PLBD2: variants seen among roughly 807,000 people sequenced by gnomAD.
The protein encoded by PLBD2 is phospholipase B domain containing 2.
A neutral mutation model predicts 68.3 loss-of-function variants in PLBD2; 51 were observed. That is an observed-to-expected ratio of 0.75 (90% CI 0.60 to 0.94). The LOEUF is 0.94. PLBD2 is among the 40% of genes least tolerant of loss of function. The probability of loss-of-function intolerance (pLI) is 0.00; values close to 1 mark genes in which losing one functional copy is unlikely to be tolerated. For synonymous variants in PLBD2, 314 were observed against 339.3 expected, an observed-to-expected ratio of 0.93 and a Z score of 0.82; for missense variants, 729 against 792.2, an observed-to-expected ratio of 0.92 and a Z score of 0.96.
chr12:113,359,787 CACAG>C (rs1275101014), intron 1 of PLBD2, among the ~76,000 whole-genome samples: 3 of 152,056 alleles, frequency 2.0e-5, no homozygotes, highest in Non-Finnish European at 4.4e-5. Flanking sequence ...CAGTGGGAAA[CACAG>C]ACAGCGATAG....
chr12:113,376,418 C>T (rs766426565), intron 5 of PLBD2, among the ~76,000 whole-genome samples: 17 of 152,158 alleles, frequency 1.1e-4, no homozygotes, highest in South Asian at 2.1e-4. Flanking sequence ...GCCGCCTCGG[C>T]CTCCCAAAGT....
rs1339007255 is a variant in PLBD2, at chr12:113,372,585, G to A, written c.385-64G>A. On this transcript the variant is annotated intron_variant, in intron 2 of 11. Coordinates refer to ENST00000280800, the MANE Select transcript of PLBD2 (RefSeq NM_173542.4). The surrounding 1 kb of genome is among the most constrained non-coding windows in gnomAD (Gnocchi z 4.2). ...TCCGCTCTGGGGCAGCCTGGGTGGGGGGCTCTCAGGGAAGAGAGCACCCCA... is the reference window on the plus strand; with the variant it reads ...TCCGCTCTGGGGCAGCCTGGGTGGGAGGCTCTCAGGGAAGAGAGCACCCCA... The A allele has an allele frequency of 6.4e-7, 1 of 1,551,792 alleles. No homozygotes were observed. Among genetic ancestry groups the A allele is most frequent in the Admixed American group, 1.7e-5 (1 of 57,266 alleles).
At chr12:113,387,967 G>T in intron 11 of PLBD2, 61 bp downstream of exon 11, 1 of 1,587,436 alleles carries the variant, frequency 6.3e-7, no homozygotes, top group Non-Finnish European at 8.6e-7. Flanking sequence ...ACCAGCTTTG[G>T]GGAAGGGACA....
intron 4 of PLBD2, 42 bp downstream of exon 4, chr12:113,374,616 C>A: frequency 6.6e-7 from 1 of 1,521,436 alleles, no homozygotes; most frequent in Non-Finnish European, 9.0e-7. Flanking sequence ...GAAGAAGGGC[C>A]ACACACTCAT....
intron 5 of PLBD2, among the ~76,000 whole-genome samples, chr12:113,378,396 GCTTT>G (rs532365451): frequency 3.3e-4 from 50 of 152,118 alleles, no homozygotes; most frequent in Middle Eastern, 3.4e-3. Flanking sequence ...TAAAATGTTT[GCTTT>G]CTGAGTTTTT....
At chr12:113,368,310 A>G (rs758586586) in intron 1 of PLBD2, among the ~76,000 whole-genome samples, 28 of 152,182 alleles carry the variant, frequency 1.8e-4, no homozygotes, top group Non-Finnish European at 2.8e-4. Context: ...ACCAGCCCCA[A>G]TCCAGCAGCT....
intron 3 of PLBD2, among the ~76,000 whole-genome samples, chr12:113,373,213 A>G (rs1482148315): frequency 6.6e-6 from 1 of 152,226 alleles, no homozygotes; most frequent in Non-Finnish European, 1.5e-5. Flanking sequence ...GACACAGTGA[A>G]TTTTGTTTTC....
chr12:113,372,880 C>G lies in PLBD2; in HGVS notation c.543+73C>G. 1.9e-6 allele frequency: 3 copies of G among 1,548,404 alleles called. No individual in the cohort carries two copies. Among genetic ancestry groups the G allele is most frequent in the East Asian group, 2.3e-5 (1 of 44,264 alleles). Reference sequence around the variant, plus strand: ...GCCATCCTGTCTCCTGTTGTTCTGGCCAGCCTTGTGGCATGTCCAGCTGCC... The same window carrying G: ...GCCATCCTGTCTCCTGTTGTTCTGGGCAGCCTTGTGGCATGTCCAGCTGCC... On this transcript the variant is annotated intron_variant, in intron 3 of 11. Transcript: ENST00000280800. This position sits in a 1 kb window ranked among gnomAD's most constrained non-coding sequence, Gnocchi z 4.2.
chr12:113,388,079 T>C (rs895883473), intron 11 of PLBD2, among the ~76,000 whole-genome samples, 173 bp downstream of exon 11: 5 of 152,100 alleles, frequency 3.3e-5, no homozygotes, highest in African/African-American at 9.7e-5. Flanking sequence ...CGGTGGCTCA[T>C]GCCTGTAATC....
intron 5 of PLBD2, chr12:113,376,738 G>T: frequency 6.6e-6 from 1 of 152,354 alleles, no homozygotes; most frequent in Non-Finnish European, 1.5e-5. Flanking sequence ...GATTGCTTGA[G>T]CCCAGGAGGT....
Position 113,388,527 on chromosome 12 carries a change from G to A in PLBD2, c.1671G>A (p.Val557=). The change falls in exon 12 of 12, where the codon GTG becomes GTA. Residue 557 remains valine, a synonymous_variant. Transcript: ENST00000280800. ...CCAGCGGTCCCACGTGGGACCAGGT[G>A]CCCCCGTTCCAGTGGAGCACCTCGC... ...LAASGPTWDQ[V]PPFQWSTSPF... is the part of the protein sequence containing the mutation. 2 of 1,610,678 alleles carry A rather than the reference G, an allele frequency of 1.2e-6. No individual in the cohort carries two copies. Among genetic ancestry groups the A allele is most frequent in the Non-Finnish European group, 1.7e-6 (2 of 1,179,072 alleles).
intron 1 of PLBD2, among the ~76,000 whole-genome samples, chr12:113,368,180 T>A (rs1234068673): frequency 1.3e-5 from 2 of 151,828 alleles, no homozygotes; most frequent in Non-Finnish European, 2.9e-5. Context: ...ACATCAGAGG[T>A]TGAGAAGTGC....
At chr12:113,387,178 C>A in intron 10 of PLBD2, 89 bp downstream of exon 10, 1 of 1,458,742 alleles carries the variant, frequency 6.9e-7, no homozygotes, top group Non-Finnish European at 9.0e-7. Context: ...CTCATTCAAA[C>A]TTTGCTGCCA....
Position 113,358,668 on chromosome 12 carries a change from T to A in PLBD2, c.68T>A (p.Leu23Gln). ...CGGGCGCTGACGCGGGCGCTGGCGCTGGCCCTGGTGCTGGCCCTGCTGGTC... is the reference window on the plus strand; with the variant it reads ...CGGGCGCTGACGCGGGCGCTGGCGCAGGCCCTGGTGCTGGCCCTGCTGGTC... ...LARALTRALA[L>Q]ALVLALLVGP... The change falls in exon 1 of 12, where the codon CTG becomes CAG. Residue 23 changes from leucine to glutamine, a missense_variant. Coordinates refer to ENST00000280800, the MANE Select transcript of PLBD2 (RefSeq NM_173542.4). The A allele has an allele frequency of 6.9e-7, 1 of 1,459,364 alleles. No homozygotes were observed. Among genetic ancestry groups the A allele is most frequent in the Non-Finnish European group, 9.0e-7 (1 of 1,112,774 alleles). The allele number at this position is 1,459,364 out of a possible 1,614,324, so 90.4% of individuals were successfully genotyped here. A position where few individuals can be genotyped will look rare whatever the true frequency, so the allele number is the denominator to read the frequency against.
intron 11 of PLBD2, 130 bp from the exon 12 acceptor site, chr12:113,388,329 A>C: frequency 3.4e-6 from 3 of 883,726 alleles, no homozygotes; most frequent in Non-Finnish European, 4.9e-6. Context: ...GTGACAGAGC[A>C]GAGACTCAAA....
intron 1 of PLBD2, 106 bp downstream of exon 1, chr12:113,358,996 G>C: frequency 8.1e-7 from 1 of 1,241,690 alleles, no homozygotes. Flanking sequence ...GGGAACGCCC[G>C]TTTCTCTGGG....
Position 113,384,098 on chromosome 12 carries a change from C to T in PLBD2, c.958-7C>T, listed in dbSNP as rs767781875. 1 of 1,602,160 alleles carries T rather than the reference C, an allele frequency of 6.2e-7. No individual in the cohort carries two copies. Among genetic ancestry groups the T allele is most frequent in the Non-Finnish European group, 8.5e-7 (1 of 1,172,632 alleles). ...GCTGTGCAGCAGCCCCCTTGACCTT[C>T]CCACAGGTGACACTGGAGACCACCA... On this transcript the variant is annotated splice_polypyrimidine_tract_variant and splice_region_variant and intron_variant, in intron 6 of 11. Transcript: ENST00000280800. The surrounding 1 kb of genome is among the most constrained non-coding windows in gnomAD (Gnocchi z 4.2).
chr12:113,359,780 T>C (rs1207560188), intron 1 of PLBD2, among the ~76,000 whole-genome samples: 3 of 151,970 alleles, frequency 2.0e-5, no homozygotes, highest in African/African-American at 7.2e-5. Context: ...CTCTACTCAG[T>C]GGGAAACACA....
At chr12:113,376,632 A>T (rs1266191517) in intron 5 of PLBD2, among the ~76,000 whole-genome samples, 9 of 152,302 alleles carry the variant, frequency 5.9e-5, no homozygotes, top group Non-Finnish European at 1.5e-5. Context: ...AATTGCAAGG[A>T]TTGCATGAAT....
Sources: allele counts gnomAD v4.1 joint callset (sites outside exome capture counted in the v4.1 genomes callset), GRCh38; gene constraint gnomAD v4.1.1; non-coding constraint Gnocchi (gnomAD v3.1); transcripts MANE v1.5; gene names NCBI Gene and HGNC (gene_info 2026-07-23, HGNC 2026-07-21).